Variants in TMPRSS11F observed in about 807,000 individuals in gnomAD.
The protein encoded by TMPRSS11F is transmembrane protease serine 11F.
TMPRSS11F carries 47 observed loss-of-function variants against 60.2 expected under a neutral mutation model. The ratio of observed to expected loss-of-function variants is 0.78; its 90% CI spans 0.62 to 1.00. The LOEUF is 1.00. Ranked by LOEUF, TMPRSS11F falls within the 50% of genes least tolerant of loss-of-function variation. TMPRSS11F has a pLI of 0.00. For missense variants in TMPRSS11F, 519 were observed against 522.9 expected (o/e 0.99, Z 0.07); for synonymous variants, 166 against 167.3 (o/e 0.99, Z 0.06).
intron 1 of TMPRSS11F, among the ~76,000 whole-genome samples, chr4:68,104,273 T>C (rs1048668155): frequency 2.0e-5 from 3 of 152,174 alleles, no homozygotes; most frequent in Non-Finnish European, 4.4e-5. Context: ...GTTGTAGGTT[T>C]TTCATAAATG....
Position 68,069,985 on chromosome 4 carries a change from C to T in TMPRSS11F, c.537G>A (p.Arg179=). The T allele has an allele frequency of 1.2e-6, 2 of 1,603,692 alleles. No homozygotes were observed. The highest frequency in any genetic ancestry group is 1.7e-6 in the Non-Finnish European group (2 of 1,174,592). The change falls in exon 6 of 10, where the codon AGG becomes AGA. Residue 179 remains arginine, a synonymous_variant. Coordinates refer to ENST00000356291, the MANE Select transcript of TMPRSS11F (RefSeq NM_207407.2). ...GGAACTTACGACTGTTGAGAAGATT[C>T]CTCATCTTTTTGCTGTCAATAGCTG... is the stretch of plus-strand genomic sequence containing the variant. ...RLTPIDSKKM[R]NLLNSRCGIR...
chr4:68,063,040 G>T, intron 8 of TMPRSS11F: 1 of 665,040 alleles, frequency 1.5e-6, no homozygotes, highest in South Asian at 1.4e-5. Context: ...GGGAGTCACA[G>T]ACACATTTTA....
intron 3 of TMPRSS11F, chr4:68,077,208 C>T (rs952804866): frequency 1.3e-5 from 2 of 152,290 alleles, no homozygotes; most frequent in Non-Finnish European, 2.9e-5. Context: ...GTAGGAGCCC[C>T]ACTCCTGGGA....
chr4:68,065,730 A>T (rs1044829218), intron 7 of TMPRSS11F, among the ~76,000 whole-genome samples: 7 of 151,628 alleles, frequency 4.6e-5, no homozygotes, highest in African/African-American at 1.7e-4. Context: ...TGAAGAAAGG[A>T]TTACTATGTT....
intron 9 of TMPRSS11F, 69 bp from the exon 10 acceptor site, chr4:68,054,136 G>C (rs568711797): frequency 6.9e-6 from 10 of 1,443,184 alleles, no homozygotes; most frequent in African/African-American, 4.3e-5. Context: ...GTAATCTGAC[G>C]TTCACAGAGA....
intron 1 of TMPRSS11F, among the ~76,000 whole-genome samples, chr4:68,127,405 C>T (rs180726870): frequency 1.4e-4 from 21 of 152,186 alleles, no homozygotes; most frequent in Admixed American, 3.9e-4. Context: ...TGATTTGCCT[C>T]ATCACAAAGG....
intron 3 of TMPRSS11F, among the ~76,000 whole-genome samples, chr4:68,083,649 G>C (rs1185115870): frequency 6.6e-6 from 1 of 151,312 alleles, no homozygotes; most frequent in Non-Finnish European, 1.5e-5. Context: ...AAATGTCAAG[G>C]GAAATAAATA....
chr4:68,064,622 A>C, intron 8 of TMPRSS11F, 63 bp downstream of exon 8: 1 of 1,551,902 alleles, frequency 6.4e-7, no homozygotes, highest in Non-Finnish European at 8.7e-7. Flanking sequence ...ATTCTTTAAG[A>C]TAGATAGCTC....
chr4:68,092,031 G>A (rs1427177041), intron 2 of TMPRSS11F, among the ~76,000 whole-genome samples: 1 of 151,906 alleles, frequency 6.6e-6, no homozygotes, highest in Non-Finnish European at 1.5e-5. Flanking sequence ...AGTGATCCAT[G>A]AGCCTAGGCC....
chr4:68,062,784 G>C (rs556241432), intron 8 of TMPRSS11F: 2 of 745,560 alleles, frequency 2.7e-6, no homozygotes, highest in Non-Finnish European at 5.0e-6. Flanking sequence ...CGCCCTCTGC[G>C]GATGGATATC....
intron 2 of TMPRSS11F, among the ~76,000 whole-genome samples, chr4:68,091,769 C>CTATCTA (rs1413630341): frequency 8.5e-6 from 1 of 118,028 alleles, no homozygotes; most frequent in African/African-American, 3.3e-5. Context: ...CTCTCTCTCT[C>CTATCTA]TCTCTCTCTC....
rs72853389 is a variant in TMPRSS11F, at chr4:68,071,015, A to C, written c.515-1008T>G. ...CATTGTATGTAACCAACAATGCCAAAATTTTTTAATAAATTATACAATAAG... is the reference window on the plus strand; with the variant it reads ...CATTGTATGTAACCAACAATGCCAACATTTTTTAATAAATTATACAATAAG... On this transcript the variant is annotated intron_variant, in intron 5 of 9. Transcript: ENST00000356291. Among the ~76,000 whole-genome samples, 792 of 151,240 alleles carry C rather than the reference A, an allele frequency of 5.2e-3. 9 individuals are homozygous for C. Among genetic ancestry groups the C allele is most frequent in the African/African-American group, 0.017 (680 of 40,596 alleles).
At chr4:68,069,360 G>T (rs979806063) in intron 6 of TMPRSS11F, among the ~76,000 whole-genome samples, 1 of 152,118 alleles carries the variant, frequency 6.6e-6, no homozygotes, top group African/African-American at 2.4e-5. Context: ...TATTTTAACA[G>T]ATTTAAACAC....
intron 1 of TMPRSS11F, among the ~76,000 whole-genome samples, chr4:68,126,714 A>G (rs1724719806): frequency 1.3e-5 from 2 of 152,252 alleles, no homozygotes; most frequent in Non-Finnish European, 2.9e-5. Context: ...GAGCTCTCTG[A>G]GCAGAGAAAT....
At chr4:68,073,206 A>C (rs989197147) in intron 4 of TMPRSS11F, among the ~76,000 whole-genome samples, 4 of 152,216 alleles carry the variant, frequency 2.6e-5, no homozygotes, top group African/African-American at 9.7e-5. Context: ...AAAAGGAAAT[A>C]AACCTTTACT....
At chr4:68,128,335 T>C (rs1156872292) in intron 1 of TMPRSS11F, among the ~76,000 whole-genome samples, 3 of 152,170 alleles carry the variant, frequency 2.0e-5, no homozygotes, top group African/African-American at 7.2e-5. Context: ...ATGATGGATA[T>C]GCTAATTACT....
At chr4:68,072,547 T>C (rs754423854) in intron 4 of TMPRSS11F, 61 bp from the exon 5 acceptor site, 54 of 1,300,930 alleles carry the variant, frequency 4.2e-5, no homozygotes, top group Non-Finnish European at 5.3e-5. Context: ...CTTTAACTTA[T>C]TAGGACTCAC....
rs572386668 is a variant in TMPRSS11F, at chr4:68,128,657, G to T, written c.11+1153C>A. 3.3e-5 allele frequency among the ~76,000 whole-genome samples: 5 copies of T among 152,088 alleles called. No individual in the cohort carries two copies. The East Asian group carries it at 7.7e-4, about 23-fold the overall frequency. On this transcript the variant is annotated intron_variant, in intron 1 of 9. Transcript: ENST00000356291. The stretch of plus-strand genomic sequence containing the variant: ...CTCCAAATTTTTCTAATTTTTTAAA[G>T]AAATTTTTAGCATATTATATTTATA...
intron 2 of TMPRSS11F, 86 bp downstream of exon 2, chr4:68,098,801 C>T (rs920546826): frequency 7.9e-7 from 1 of 1,258,532 alleles, no homozygotes; most frequent in East Asian, 2.4e-5. Context: ...TAATATCATG[C>T]AAATGTCACT....
Sources: allele counts gnomAD v4.1 joint callset (sites outside exome capture counted in the v4.1 genomes callset), GRCh38; gene constraint gnomAD v4.1.1; transcripts MANE v1.5; gene names NCBI Gene and HGNC (gene_info 2026-07-23, HGNC 2026-07-21).